The following BTBD7 variants were observed in gnomAD, a reference collection of about 807,000 sequenced individuals.
BTBD7 encodes the protein BTB domain containing 7.
Under a neutral mutation model 99.9 loss-of-function variants are expected in BTBD7, and 38 were observed. The observed-to-expected ratio is 0.38, with a 90% CI of 0.29 to 0.50. The LOEUF is 0.50. Among genes scored for constraint, BTBD7 ranks in the 20% least tolerant of loss-of-function variants. The pLI, the probability that BTBD7 is intolerant of heterozygous loss-of-function variation, is 0.93. For synonymous variants in BTBD7, 520 were observed against 511.4 expected, an observed-to-expected ratio of 1.02 and a Z score of -0.23; for missense variants, 1,170 against 1,394.6, an observed-to-expected ratio of 0.84 and a Z score of 2.57.
At chr14:93,309,974 T>C (rs989411010) in intron 1 of BTBD7, among the ~76,000 whole-genome samples, 4 of 151,882 alleles carry the variant, frequency 2.6e-5, no homozygotes, top group South Asian at 2.1e-4. Context: ...TGTTTTTTTT[T>C]CCCCCTTTAG....
chr14:93,307,582 T>C (rs1198958439), intron 1 of BTBD7, among the ~76,000 whole-genome samples: 1 of 152,208 alleles, frequency 6.6e-6, no homozygotes, highest in African/African-American at 2.4e-5. Flanking sequence ...TACTCCTACC[T>C]CAGGGCTCTT....
Position 93,297,284 on chromosome 14 carries a change from T to C in BTBD7, c.-106-1127A>G, listed in dbSNP as rs563801121. ...TCATGTTTAAAAATATCGTTAACAT[T>C]TGTGTTTTCCTACAATCTTTTATAG... On this transcript the variant is annotated intron_variant, in intron 1 of 10. Coordinates refer to ENST00000334746, the MANE Select transcript of BTBD7 (RefSeq NM_001002860.4). Among the ~76,000 whole-genome samples, 8 of 152,332 alleles carry C rather than the reference T, an allele frequency of 5.3e-5. No homozygotes were observed. The East Asian group carries it at 1.4e-3, about 26-fold the overall frequency.
chr14:93,284,726 G>A (rs1329712026), intron 3 of BTBD7, among the ~76,000 whole-genome samples: 1 of 152,088 alleles, frequency 6.6e-6, no homozygotes, highest in Non-Finnish European at 1.5e-5. Context: ...TTCTCAGGAT[G>A]TAGAAAATAC....
chr14:93,300,784 ATAT>A (rs1290134608), intron 1 of BTBD7, among the ~76,000 whole-genome samples: 2 of 70,208 alleles, frequency 2.8e-5, no homozygotes, highest in East Asian at 4.1e-4. Context: ...ATATATATAT[ATAT>A]TTTTTTTTTG....
At chr14:93,291,155 TAA>T (rs902532236) in intron 3 of BTBD7, among the ~76,000 whole-genome samples, 1 of 151,850 alleles carries the variant, frequency 6.6e-6, no homozygotes, top group Non-Finnish European at 1.5e-5. Flanking sequence ...TTTTTAAACT[TAA>T]AGTTATTTTT....
chr14:93,329,569 TAAC>T (rs1244978949), intron 1 of BTBD7, among the ~76,000 whole-genome samples: 1 of 152,146 alleles, frequency 6.6e-6, no homozygotes, highest in Non-Finnish European at 1.5e-5. Flanking sequence ...GAGGGGAACT[TAAC>T]AAAATATAAA....
chr14:93,301,061 C>T (rs897448990), intron 1 of BTBD7, among the ~76,000 whole-genome samples: 11 of 152,062 alleles, frequency 7.2e-5, no homozygotes, highest in Middle Eastern at 3.2e-3. Flanking sequence ...TAACAATTAA[C>T]GGCCTGGCTC....
chr14:93,305,542 A>G (rs1292779743), intron 1 of BTBD7, among the ~76,000 whole-genome samples: 1 of 152,252 alleles, frequency 6.6e-6, no homozygotes, highest in Non-Finnish European at 1.5e-5. Flanking sequence ...GGGCTTTCTT[A>G]TAACTATGGT....
At chr14:93,262,971 A>G (rs1432289724) in intron 4 of BTBD7, among the ~76,000 whole-genome samples, 3 of 152,208 alleles carry the variant, frequency 2.0e-5, no homozygotes, top group African/African-American at 7.2e-5. Context: ...AATCAAAGCA[A>G]CATACAAAGG....
chr14:93,322,992 G>A (rs1307288152), intron 1 of BTBD7, among the ~76,000 whole-genome samples: 2 of 152,044 alleles, frequency 1.3e-5, no homozygotes, highest in East Asian at 1.9e-4. Flanking sequence ...GCATGATGGC[G>A]TGTGCCTGCT....
chr14:93,278,019 T>C (rs142506746), intron 3 of BTBD7, among the ~76,000 whole-genome samples: 2 of 152,362 alleles, frequency 1.3e-5, no homozygotes, highest in African/African-American at 4.8e-5. Flanking sequence ...TTTACTATCC[T>C]TAGACCATTA....
intron 1 of BTBD7, among the ~76,000 whole-genome samples, chr14:93,296,655 G>A (rs527326886): frequency 6.6e-6 from 1 of 152,130 alleles, no homozygotes; most frequent in South Asian, 2.1e-4. Context: ...GTATAATTAG[G>A]CATTTTACTA....
At chr14:93,248,325 A>T in intron 9 of BTBD7, 151 bp downstream of exon 9, 1 of 737,056 alleles carries the variant, frequency 1.4e-6, no homozygotes, top group Non-Finnish European at 2.1e-6. Context: ...TCTCACCAGG[A>T]GGGACTTGCA....
chr14:93,258,108 TA>T (rs1039474399), intron 5 of BTBD7, among the ~76,000 whole-genome samples: 6 of 145,030 alleles, frequency 4.1e-5, no homozygotes, highest in South Asian at 4.5e-4. Flanking sequence ...ATTTTTTTCT[TA>T]AAAAAATTAA....
intron 3 of BTBD7, among the ~76,000 whole-genome samples, chr14:93,282,552 T>G (rs1208587246): frequency 6.6e-6 from 1 of 152,056 alleles, no homozygotes; most frequent in African/African-American, 2.4e-5. Context: ...AGGCTGGTCT[T>G]GAACTCCTGA....
At chr14:93,322,514 G>A (rs2053281407) in intron 1 of BTBD7, among the ~76,000 whole-genome samples, 2 of 151,984 alleles carry the variant, frequency 1.3e-5, no homozygotes, top group Admixed American at 1.3e-4. Flanking sequence ...GAATTAGTAA[G>A]CCCACAATAA....
intron 10 of BTBD7, among the ~76,000 whole-genome samples, chr14:93,243,848 T>C (rs1039317004): frequency 6.6e-6 from 1 of 152,202 alleles, no homozygotes; most frequent in Non-Finnish European, 1.5e-5. Context: ...GTAGTAGAAC[T>C]TTTGTAATTG....
chr14:93,331,889 C>CCTCCCA (rs1555394531), intron 1 of BTBD7, among the ~76,000 whole-genome samples: 6 of 141,196 alleles, frequency 4.2e-5, no homozygotes, highest in African/African-American at 1.9e-4. Context: ...TCCCCCCCCC[C>CCTCCCA]AAAAAGGTTG....
rs770395589 is a variant in BTBD7, at chr14:93,261,627, C to T, written c.1422G>A (p.Gln474=). 6.2e-7 allele frequency: 1 copy of T among 1,612,236 alleles called. No individual in the cohort carries two copies. Among genetic ancestry groups the T allele is most frequent in the Admixed American group, 1.7e-5 (1 of 59,958 alleles). The part of the protein sequence containing the change: ...LKYLIKWGEH[Q]LMKRIADREP... ...CTCTATCTGCTATTCTTTTCATCAACTGATGCTCTCCCCATTTAATCAGAT... is the reference window on the plus strand; with the variant it reads ...CTCTATCTGCTATTCTTTTCATCAATTGATGCTCTCCCCATTTAATCAGAT... Residue 474 remains glutamine, a synonymous_variant, in exon 5 of 11, where the codon CAG becomes CAA. Transcript: ENST00000334746.
Sources: allele counts gnomAD v4.1 joint callset (sites outside exome capture counted in the v4.1 genomes callset), GRCh38; gene constraint gnomAD v4.1.1; transcripts MANE v1.5; gene names NCBI Gene and HGNC (gene_info 2026-07-23, HGNC 2026-07-21).